The following PCNX3 variants were observed in gnomAD, a reference collection of about 807,000 sequenced individuals.
The protein encoded by PCNX3 is pecanex-like protein 3.
A neutral mutation model predicts 207.2 loss-of-function variants in PCNX3; 58 were observed. The observed-to-expected ratio is 0.28, with a 90% CI of 0.23 to 0.35. PCNX3 has a LOEUF of 0.35. Among genes scored for constraint, PCNX3 ranks in the 10% least tolerant of loss-of-function variants. The pLI is 1.00. For synonymous variants in PCNX3, 1,337 were observed against 1,183.5 expected (o/e 1.13, Z -2.66); for missense variants, 2,410 against 2,774.4 (o/e 0.87, Z 2.95).
At position 65,619,216 on chromosome 11, in the gene PCNX3, T is replaced by C; in HGVS notation, c.1705+149T>C. ...ACGTGGGCCTGGTGGTGATTGACATTGTCTGCCAAACCTCTTAGACATGGG... is the reference window on the plus strand; with the variant it reads ...ACGTGGGCCTGGTGGTGATTGACATCGTCTGCCAAACCTCTTAGACATGGG... On this transcript the variant is annotated intron_variant, in intron 6 of 34. Coordinates refer to ENST00000355703, the MANE Select transcript of PCNX3 (RefSeq NM_032223.4). 3 of 811,500 alleles carry C rather than the reference T, an allele frequency of 3.7e-6. No individual in the cohort carries two copies. The South Asian group carries it at 5.4e-5, about 14-fold the overall frequency. 50.3% of individuals were successfully genotyped at this position (811,500 alleles called of 1,614,324 possible).
rs1855733927 is a variant in PCNX3, at chr11:65,634,252, A to T, written c.4597A>T (p.Ser1533Cys). 6.2e-7 allele frequency: 1 copy of T among 1,612,852 alleles called. No individual in the cohort carries two copies. Among genetic ancestry groups the T allele is most frequent in the South Asian group, 1.1e-5 (1 of 90,926 alleles). Residue 1533 changes from serine to cysteine, a missense_variant, in exon 28 of 35, where the codon AGT (serine) becomes TGT (cysteine). Ser to Cys is a moderately radical substitution (Grantham distance 112). Transcript: ENST00000355703. ...YADSDPTFSL[S>C]VDEDYDLRLS... ...CGACTCGGATCCCACCTTCTCGCTG[A>T]GTGTGGATGAGGACTATGACCTCCG...
At position 65,623,348 on chromosome 11, in the gene PCNX3, A is replaced by G. The variant is rs1855211410; in HGVS notation, c.2358-143A>G. ...TGCCGGGCCGCGTCGTCGCAAAGTT[A>G]TAGGTGTTCACATCTTCAGAGGACA... On this transcript the variant is annotated intron_variant, in intron 11 of 34. Transcript: ENST00000355703. The G allele has an allele frequency of 1.1e-5, 12 of 1,077,278 alleles. No individual in the cohort carries two copies. In the South Asian group the frequency reaches 2.0e-4, roughly 18 times the overall value. The allele number at this position is 1,077,278 out of a possible 1,614,324, so 66.7% of individuals were successfully genotyped here. A position where few individuals can be genotyped will look rare whatever the true frequency, so the allele number is the denominator to read the frequency against.
chr11:65,626,954 G>A lies in PCNX3; in HGVS notation c.3430G>A (p.Val1144Ile), dbSNP rs533608827. 66 of 1,576,242 alleles carry A rather than the reference G, an allele frequency of 4.2e-5. No individual in the cohort carries two copies. The highest frequency in any genetic ancestry group is 5.5e-5 in the Admixed American group (3 of 54,278). ...GAAGCTGTATGCTGGCCTGCAGTGC[G>A]TAGAGAAGTACCTCATCTACCCCGC... ...FEKLYAGLQC[V>I]EKYLIYPAVV... is the part of the protein sequence containing the mutation. Residue 1144 changes from valine (V) to isoleucine (I), a missense_variant, in exon 21 of 35, where the codon GTA (valine) becomes ATA (isoleucine). Val to Ile is a conservative substitution (Grantham distance 29). This residue lies in a region of PCNX3 where 333 missense variants were observed against 386.8 expected (regional missense o/e 0.86). Transcript: ENST00000355703.
At chr11:65,626,547 C>A (rs1032414457) in intron 20 of PCNX3, 3 of 427,702 alleles carry the variant, frequency 7.0e-6, no homozygotes, top group African/African-American at 6.1e-5. Context: ...TCTGTGGCTA[C>A]AACCAGCCTG....
chr11:65,618,998 C>G lies in PCNX3; in HGVS notation c.1636C>G (p.Arg546Gly). Residue 546 changes from arginine (R) to glycine (G), a missense_variant, in exon 6 of 35, where the codon CGA becomes GGA. Transcript: ENST00000355703. ...GCCTGTTGTGCTGCCTGCTGAGGCG[C>G]GAAGGGGACCCGCTGCCAACCAGCC... ...SEPVVLPAEA[R>G]RGPAANQPGW... 6.3e-7 allele frequency: 1 copy of G among 1,598,138 alleles called. No homozygotes were observed. Among genetic ancestry groups the G allele is most frequent in the Admixed American group, 1.7e-5 (1 of 59,354 alleles).
chr11:65,621,131 G>A (rs1369242428), intron 10 of PCNX3, among the ~76,000 whole-genome samples, 165 bp downstream of exon 10: 2 of 152,218 alleles, frequency 1.3e-5, no homozygotes, highest in East Asian at 3.8e-4. Context: ...CTTTGATGTT[G>A]GCAGAGACTC....
Position 65,637,363 on chromosome 11 carries a change from C to T in PCNX3, c.*385C>T. The T allele has an allele frequency of 1.5e-5, 3 of 198,380 alleles. No individual in the cohort carries two copies. Among genetic ancestry groups the T allele is most frequent in the Admixed American group, 1.2e-4 (2 of 16,290 alleles). The allele number at this position is 198,380 out of a possible 1,614,324, so 12.3% of individuals were successfully genotyped here. A position where few individuals can be genotyped will look rare whatever the true frequency, so the allele number is the denominator to read the frequency against. Reference sequence around the variant, plus strand: ...GTGGGAAGGGTGGTTTCTTTCTTTCCTTTTTTTTCTTTTCTTTTTTTTTTT... The same window carrying T: ...GTGGGAAGGGTGGTTTCTTTCTTTCTTTTTTTTTCTTTTCTTTTTTTTTTT... On this transcript the variant is annotated 3_prime_UTR_variant, in exon 35 of 35. Transcript: ENST00000355703.
Position 65,635,142 on chromosome 11 carries a change from C to A in PCNX3, c.4953+22C>A. 3.7e-6 allele frequency: 6 copies of A among 1,609,526 alleles called. No individual in the cohort carries two copies. The highest frequency in any genetic ancestry group is 5.1e-6 in the Non-Finnish European group (6 of 1,177,072). On this transcript the variant is annotated intron_variant, in intron 30 of 34. Coordinates refer to ENST00000355703, the MANE Select transcript of PCNX3 (RefSeq NM_032223.4). This position sits in a 1 kb window ranked among gnomAD's most constrained non-coding sequence, Gnocchi z 9.9. ...CCAGGTTGGGGAGGGGTGTGCCCAG[C>A]AGCATGGGCAGGTGGGGGATGAAGC...
At chr11:65,632,160 G>A (rs1315806313) in intron 27 of PCNX3, among the ~76,000 whole-genome samples, 1 of 152,172 alleles carries the variant, frequency 6.6e-6, no homozygotes, top group Admixed American at 6.5e-5. Context: ...CTTGTCCCAT[G>A]GGGAAGCTGA....
intron 21 of PCNX3, among the ~76,000 whole-genome samples, 167 bp downstream of exon 21, chr11:65,627,215 G>A (rs995442851): frequency 6.6e-6 from 1 of 152,176 alleles, no homozygotes. Flanking sequence ...CTTCTTCAAA[G>A]GCAAATGTGT....
rs368568593 is a variant in PCNX3 at position 65,617,205 on chromosome 11, C to G, written c.342-45C>G. ...CAAAGATGGGAGGAAGTAGCATACA[C>G]AGAGGAGAGGTTAGCTCAAAGCTGC... On this transcript the variant is annotated intron_variant, in intron 2 of 34. Transcript: ENST00000355703. The G allele has an allele frequency of 2.5e-4, 390 of 1,531,590 alleles. 1 individual carries two copies. The highest frequency in any genetic ancestry group is 3.2e-4 in the Non-Finnish European group (359 of 1,126,154). The allele number at this position is 1,531,590 out of a possible 1,614,324, so 94.9% of individuals were successfully genotyped here. A position where few individuals can be genotyped will look rare whatever the true frequency, so the allele number is the denominator to read the frequency against.
At chr11:65,634,718 G>C (rs987893237) in intron 29 of PCNX3, 77 bp downstream of exon 29, 25 of 1,341,618 alleles carry the variant, frequency 1.9e-5, no homozygotes, top group Non-Finnish European at 1.8e-5. Flanking sequence ...GTGGTCTCTG[G>C]CCACAGTGGC....
At chr11:65,626,471 T>G (rs1008441690) in intron 20 of PCNX3, 1 of 394,066 alleles carries the variant, frequency 2.5e-6, no homozygotes, top group Admixed American at 3.7e-5. Flanking sequence ...ATTTGAGATA[T>G]GAAGATCCAT....
At position 65,635,522 on chromosome 11, in the gene PCNX3, C is replaced by T; in HGVS notation, c.5185-7C>T. 4 of 1,609,794 alleles carry T rather than the reference C, an allele frequency of 2.5e-6. No homozygotes were observed. The East Asian group carries it at 8.9e-5, about 36-fold the overall frequency. ...CCGGCCCCCTGACCCTGGCGTGTGG[C>T]TCTCAGGTGAACCGGGAGTGCGTGC... is the stretch of plus-strand genomic sequence containing the variant. On this transcript the variant is annotated splice_polypyrimidine_tract_variant and splice_region_variant and intron_variant, in intron 31 of 34. Coordinates refer to ENST00000355703, the MANE Select transcript of PCNX3 (RefSeq NM_032223.4). This position sits in a 1 kb window ranked among gnomAD's most constrained non-coding sequence, Gnocchi z 9.9.
In PCNX3 at chr11:65,618,679, G is replaced by T. The variant is rs1475006202; in HGVS notation, c.1317G>T (p.Gln439His). Reference sequence around the variant, plus strand: ...GCCCGGCCTCCAGTCTCCGATCGCAGCGCCGCTACAGTACTGACAGCTCCT... The same window carrying T: ...GCCCGGCCTCCAGTCTCCGATCGCATCGCCGCTACAGTACTGACAGCTCCT... ...ELSPASSLRS[Q>H]RRYSTDSSSS... The change falls in exon 6 of 35, where the codon CAG (glutamine) becomes CAT (histidine). Residue 439 changes from glutamine to histidine, a missense_variant. Around this residue, in one of 8 missense-constraint regions of PCNX3, gnomAD observed 1,104 missense variants for 970.3 expected, o/e 1.14. Transcript: ENST00000355703. The T allele has an allele frequency of 6.2e-7, 1 of 1,613,388 alleles. No homozygotes were observed. Among genetic ancestry groups the T allele is most frequent in the Non-Finnish European group, 8.5e-7 (1 of 1,179,848 alleles).
At position 65,618,511 on chromosome 11, in the gene PCNX3, C is replaced by T; in HGVS notation, c.1149C>T (p.Pro383=). 2.5e-6 allele frequency: 4 copies of T among 1,611,324 alleles called. No homozygotes were observed. The Middle Eastern group carries it at 6.6e-4, about 266-fold the overall frequency. ...CTGAGCCGCTCCTGGTCGTGCGGCC[C>T]AAGGACTTGGCCCTGCTACGGCCTA... The part of the protein sequence containing the change: ...GLAEPLLVVR[P]KDLALLRPSK... Residue 383 remains proline (P), a synonymous_variant, in exon 6 of 35, where the codon CCC becomes CCT. Coordinates refer to ENST00000355703, the MANE Select transcript of PCNX3 (RefSeq NM_032223.4).
At chr11:65,634,414 T>A in intron 28 of PCNX3, 58 bp downstream of exon 28, 1 of 1,513,096 alleles carries the variant, frequency 6.6e-7, no homozygotes, top group Non-Finnish European at 8.9e-7. Context: ...GCTTCCCTGC[T>A]CCCCTTCTCC....
At chr11:65,620,749 GC>G in intron 9 of PCNX3, 81 bp from the exon 10 acceptor site, 1 of 1,535,284 alleles carries the variant, frequency 6.5e-7, no homozygotes, top group African/African-American at 1.4e-5. Flanking sequence ...AGCCCTACCT[GC>G]CTGGCCTTGG....
chr11:65,618,761 A>G lies in PCNX3; in HGVS notation c.1399A>G (p.Lys467Glu). Residue 467 changes from lysine to glutamate, a missense_variant, in exon 6 of 35, where the codon AAG becomes GAG. Physicochemically the swap from Lys to Glu is moderately conservative, Grantham distance 56 (BLOSUM62 1). Around this residue, in one of 8 missense-constraint regions of PCNX3, gnomAD observed 1,104 missense variants for 970.3 expected, o/e 1.14. Coordinates refer to ENST00000355703, the MANE Select transcript of PCNX3 (RefSeq NM_032223.4). ...CCGGGGTGCAGCAGGGGGACCCCGGAAGCGGAGGGCCCCCCATGGGGCTGA... is the reference window on the plus strand; with the variant it reads ...CCGGGGTGCAGCAGGGGGACCCCGGGAGCGGAGGGCCCCCCATGGGGCTGA... Reference protein sequence around the residue: ...SSRGAAGGPRKRRAPHGAEEG... With the variant: ...SSRGAAGGPRERRAPHGAEEG... The G allele has an allele frequency of 1.2e-6, 2 of 1,611,686 alleles. No homozygotes were observed. Among genetic ancestry groups the G allele is most frequent in the Non-Finnish European group, 1.7e-6 (2 of 1,179,280 alleles).
Sources: gnomAD v4.1 joint callset for allele counts (sites outside exome capture counted in the v4.1 genomes callset) on GRCh38, gnomAD v4.1.1 for gene constraint, gnomAD v4.1.1 regional missense constraint, Gnocchi (gnomAD v3.1) non-coding constraint, MANE v1.5 for transcripts, NCBI Gene and HGNC (gene_info 2026-07-23, HGNC 2026-07-21) for gene names.